The following NLGN2 variants were observed in gnomAD, a reference collection of about 807,000 sequenced individuals.
NLGN2 encodes the protein neuroligin-2.
Under a neutral mutation model 48.6 loss-of-function variants are expected in NLGN2, and 11 were observed. The observed-to-expected ratio is 0.23, with a 90% CI of 0.14 to 0.37. NLGN2 has a LOEUF of 0.37. Ranked by LOEUF, NLGN2 falls within the 10% of genes least tolerant of loss-of-function variation. The pLI is 1.00. For synonymous variants in NLGN2, 548 were observed against 550.0 expected (o/e 1.00, Z 0.05); for missense variants, 801 against 1,225.2 (o/e 0.65, Z 5.17).
Position 7,414,785 on chromosome 17 carries a change from A to G in NLGN2, c.781A>G (p.Ile261Val). ...TGGGGGCGACCCCGAGCGTATCACC[A>G]TCTTTGGTTCCGGGGCAGGGGCCTC... is the stretch of plus-strand genomic sequence containing the variant. Reference protein sequence around the residue: ...HFGGDPERITIFGSGAGASCV... With the variant: ...HFGGDPERITVFGSGAGASCV... Residue 261 changes from isoleucine to valine, a missense_variant, in exon 4 of 7, where the codon ATC becomes GTC. Ile to Val is a conservative substitution (Grantham distance 29). This residue lies in a region of NLGN2 where 303 missense variants were observed against 600.1 expected (regional missense o/e 0.50). Transcript: ENST00000302926. 6.2e-7 allele frequency: 1 copy of G among 1,613,942 alleles called. No homozygotes were observed. Among genetic ancestry groups the G allele is most frequent in the Non-Finnish European group, 8.5e-7 (1 of 1,179,946 alleles).
chr17:7,412,285 C>G, intron 2 of NLGN2, 78 bp downstream of exon 2: 2 of 1,077,806 alleles, frequency 1.9e-6, no homozygotes, highest in South Asian at 2.5e-5. Flanking sequence ...CTAAATGTCC[C>G]CACAGCCCTC....
At position 7,415,405 on chromosome 17, in the gene NLGN2, G is replaced by A. The variant is rs1907058983; in HGVS notation, c.1038-106G>A. On this transcript the variant is annotated intron_variant, in intron 5 of 6. Transcript: ENST00000302926. ...CCACTGGAGGATTTCAAGTAGGGAAGAAGGGTCTTGCAGGTAGAGGGAAGC... is the reference window on the plus strand; with the variant it reads ...CCACTGGAGGATTTCAAGTAGGGAAAAAGGGTCTTGCAGGTAGAGGGAAGC... The A allele has an allele frequency of 3.6e-6, 4 of 1,108,308 alleles. No homozygotes were observed. In the South Asian group the frequency reaches 3.8e-5, roughly 11 times the overall value. The allele number at this position is 1,108,308 out of a possible 1,614,324, so 68.7% of individuals were successfully genotyped here. A position where few individuals can be genotyped will look rare whatever the true frequency, so the allele number is the denominator to read the frequency against.
At position 7,408,835 on chromosome 17, in the gene NLGN2, C is replaced by T. The variant is rs1906766866; in HGVS notation, c.457+123C>T. 1.7e-5 allele frequency: 26 copies of T among 1,542,694 alleles called. No individual in the cohort carries two copies. The highest frequency in any genetic ancestry group is 2.3e-5 in the Non-Finnish European group (26 of 1,133,060). ...GGGCCTTTGTGGGGGCAGTGAGGGA[C>T]GGAGTGTCCCTGCAACCTCTACGTG... On this transcript the variant is annotated intron_variant, in intron 1 of 6. Transcript: ENST00000302926. This position sits in a 1 kb window ranked among gnomAD's most constrained non-coding sequence, Gnocchi z 7.5.
chr17:7,408,450 C>G lies in NLGN2; in HGVS notation c.195C>G (p.Pro65=), dbSNP rs1452652288. 3 of 1,565,398 alleles carry G rather than the reference C, an allele frequency of 1.9e-6. No individual in the cohort carries two copies. The highest frequency in any genetic ancestry group is 2.6e-6 in the Non-Finnish European group (3 of 1,160,232). ...RRELNNEILG[P]VVQFLGVPYA... is the part of the protein sequence containing the mutation. ...AGCTCAACAACGAGATCCTGGGCCC[C>G]GTCGTGCAGTTCTTGGGCGTGCCCT... The change falls in exon 1 of 7, where the codon CCC becomes CCG. Residue 65 remains proline, a synonymous_variant. Transcript: ENST00000302926. The surrounding 1 kb of genome is among the most constrained non-coding windows in gnomAD (Gnocchi z 7.5).
chr17:7,414,917 G>A, intron 4 of NLGN2, 39 bp from the exon 5 acceptor site: 1 of 1,613,182 alleles, frequency 6.2e-7, no homozygotes, highest in Non-Finnish European at 8.5e-7. Flanking sequence ...CTTCAGGCCG[G>A]TACTCACAGC....
Position 7,414,943 on chromosome 17 carries a change from C to T in NLGN2, c.845-13C>T. The T allele has an allele frequency of 1.2e-6, 2 of 1,612,830 alleles. No individual in the cohort carries two copies. Among genetic ancestry groups the T allele is most frequent in the East Asian group, 2.2e-5 (1 of 44,884 alleles). The stretch of plus-strand genomic sequence containing the variant: ...TACTCACAGCCTGGCCTGAGGTCTG[C>T]CTGTCCCGCCAGGGCTGTTCCAGAA... On this transcript the variant is annotated splice_polypyrimidine_tract_variant and intron_variant, in intron 4 of 6. Transcript: ENST00000302926.
At chr17:7,416,140 G>T (rs1232508350) in intron 6 of NLGN2, 33 bp downstream of exon 6, 3 of 1,424,456 alleles carry the variant, frequency 2.1e-6, no homozygotes, top group African/African-American at 2.8e-5. Context: ...GGGGCTGGGC[G>T]GGGCCCTCCC....
rs767701122 is a variant in NLGN2, at chr17:7,417,325, C to T, written c.2034C>T (p.Val678=). Residue 678 remains valine, a synonymous_variant, in exon 7 of 7, where the codon GTC becomes GTT. Coordinates refer to ENST00000302926, the MANE Select transcript of NLGN2 (RefSeq NM_020795.4). ...DSRDYSTELS[V]TVAVGASLLF... ...GGGACTACTCCACGGAGCTGAGCGT[C>T]ACCGTGGCCGTGGGTGCCTCCCTCC... 5.6e-6 allele frequency: 9 copies of T among 1,610,810 alleles called. No individual in the cohort carries two copies. Among genetic ancestry groups the T allele is most frequent in the African/African-American group, 1.3e-5 (1 of 74,764 alleles).
upstream of NLGN2, among the ~76,000 whole-genome samples, chr17:7,406,431 G>T (rs143984853): frequency 5.8e-3 from 883 of 152,178 alleles, 1 homozygote; most frequent in Non-Finnish European, 0.01. Flanking sequence ...CACAGGAAAA[G>T]GAGATCCTGG....
upstream of NLGN2, chr17:7,405,075 C>G (rs2150808288): frequency 6.6e-6 from 1 of 152,318 alleles, no homozygotes; most frequent in Middle Eastern, 3.4e-3. This position sits in a 1 kb window ranked among gnomAD's most constrained non-coding sequence, Gnocchi z 6.8. Flanking sequence ...GACTCGGCTC[C>G]CGCCCTCCTC....
rs753120334 is a variant in NLGN2 at position 7,414,432 on chromosome 17, A to C, written c.597A>C (p.Ser199=). 1 of 1,614,170 alleles carries C rather than the reference A, an allele frequency of 6.2e-7. No homozygotes were observed. The highest frequency in any genetic ancestry group is 1.7e-5 in the Admixed American group (1 of 60,030). Residue 199 remains serine, a synonymous_variant, in exon 3 of 7, where the codon TCA becomes TCC. Coordinates refer to ENST00000302926, the MANE Select transcript of NLGN2 (RefSeq NM_020795.4). ...MEGTGNMFDG[S]VLAAYGNVIV... Reference sequence around the variant, plus strand: ...GGACCGGAAACATGTTCGATGGCTCAGTCCTGGCTGCCTATGGCAACGTCA... The same window carrying C: ...GGACCGGAAACATGTTCGATGGCTCCGTCCTGGCTGCCTATGGCAACGTCA...
rs1907055346 is a variant in NLGN2 at position 7,415,244 on chromosome 17, G to A, written c.1037+96G>A. 25 of 1,172,404 alleles carry A rather than the reference G, an allele frequency of 2.1e-5. 1 individual carries two copies. The South Asian group carries it at 3.8e-4, about 18-fold the overall frequency. The allele number at this position is 1,172,404 out of a possible 1,614,324, so 72.6% of individuals were successfully genotyped here. ...GGCATACCATTTGGCAAGGAGGGAT[G>A]GGCTTCTGGCCCCCAGTAAGTGGCC... On this transcript the variant is annotated intron_variant, in intron 5 of 6. Transcript: ENST00000302926.
Position 7,415,674 on chromosome 17 carries a change from G to A in NLGN2, c.1201G>A (p.Val401Met). Residue 401 changes from valine to methionine, a missense_variant, in exon 6 of 7, where the codon GTG becomes ATG. By Grantham distance (21) the Val-to-Met change is conservative (BLOSUM62 1). This residue lies in a region of NLGN2 where 303 missense variants were observed against 600.1 expected (regional missense o/e 0.50). Coordinates refer to ENST00000302926, the MANE Select transcript of NLGN2 (RefSeq NM_020795.4). Reference sequence around the variant, plus strand: ...GGACTCTGCAGAGAGCGAGGACGGTGTGTCTGCCAGCGCCTTTGACTTCAC... The same window carrying A: ...GGACTCTGCAGAGAGCGAGGACGGTATGTCTGCCAGCGCCTTTGACTTCAC... Reference protein sequence around the residue: ...VEDSAESEDGVSASAFDFTVS... With the variant: ...VEDSAESEDGMSASAFDFTVS... 1.9e-6 allele frequency: 3 copies of A among 1,614,274 alleles called. No homozygotes were observed. The highest frequency in any genetic ancestry group is 2.5e-6 in the Non-Finnish European group (3 of 1,180,058).
At chr17:7,406,662 G>T (rs990200604), upstream of NLGN2, among the ~76,000 whole-genome samples, 18 of 138,634 alleles carry the variant, frequency 1.3e-4, no homozygotes, top group Admixed American at 1.3e-3. Flanking sequence ...GCGGGGGGGG[G>T]GCTTGCCGAA....
chr17:7,415,948 G>A lies in NLGN2; in HGVS notation c.1475G>A (p.Arg492Gln), dbSNP rs755701917. The A allele has an allele frequency of 3.7e-6, 6 of 1,613,896 alleles. No individual in the cohort carries two copies. The highest frequency in any genetic ancestry group is 4.2e-6 in the Non-Finnish European group (5 of 1,179,958). Residue 492 changes from arginine to glutamine, a missense_variant, in exon 6 of 7, where the codon CGG (arginine) becomes CAG (glutamine). By Grantham distance (43) the Arg-to-Gln change is conservative (BLOSUM62 1). Coordinates refer to ENST00000302926, the MANE Select transcript of NLGN2 (RefSeq NM_020795.4). ...TFYHHCQAEG[R>Q]PEWADAAHGD... ...TACCACCACTGCCAGGCGGAGGGCC[G>A]GCCTGAGTGGGCAGATGCGGCGCAC...
At chr17:7,410,483 C>G (rs1055411271) in intron 1 of NLGN2, among the ~76,000 whole-genome samples, 4 of 152,088 alleles carry the variant, frequency 2.6e-5, no homozygotes, top group Non-Finnish European at 5.9e-5. Context: ...ATCCCAGCGC[C>G]TGCCCCATCA....
Position 7,414,212 on chromosome 17 carries a change from G to T in NLGN2, c.509-132G>T, listed in dbSNP as rs548685782. 16 of 774,846 alleles carry T rather than the reference G, an allele frequency of 2.1e-5. No individual in the cohort carries two copies. In the African/African-American group the frequency reaches 2.2e-4, roughly 11 times the overall value. The allele number at this position is 774,846 out of a possible 1,614,324, so 48.0% of individuals were successfully genotyped here. On this transcript the variant is annotated intron_variant, in intron 2 of 6. Transcript: ENST00000302926. Reference sequence around the variant, plus strand: ...GGGGAATCCGGTCTTGCCCCCCAGGGATGGGAGTGACATGTCCCCTGAGCT... The same window carrying T: ...GGGGAATCCGGTCTTGCCCCCCAGGTATGGGAGTGACATGTCCCCTGAGCT...
At chr17:7,407,368 A>G (rs750233885), upstream of NLGN2, among the ~76,000 whole-genome samples, 21 of 152,108 alleles carry the variant, frequency 1.4e-4, no homozygotes, top group Non-Finnish European at 2.4e-4. Context: ...GAGGAAATGG[A>G]GAGAGTCTGG....
Position 7,408,274 on chromosome 17 carries a change from T to G in NLGN2, c.19T>G (p.Cys7Gly). 2 of 1,284,790 alleles carry G rather than the reference T, an allele frequency of 1.6e-6. No homozygotes were observed. The highest frequency in any genetic ancestry group is 4.2e-5 in the Admixed American group (1 of 23,740). The allele number at this position is 1,284,790 out of a possible 1,614,324, so 79.6% of individuals were successfully genotyped here. A position where few individuals can be genotyped will look rare whatever the true frequency, so the allele number is the denominator to read the frequency against. The change falls in exon 1 of 7, where the codon TGT (cysteine) becomes GGT (glycine). Residue 7 changes from cysteine to glycine, a missense_variant. This residue lies in a region of NLGN2 where 164 missense variants were observed against 186.2 expected (regional missense o/e 0.88). Transcript: ENST00000302926. This position sits in a 1 kb window ranked among gnomAD's most constrained non-coding sequence, Gnocchi z 7.5. Reference sequence around the variant, plus strand: ...GATCAGCATGTGGCTCCTGGCGCTGTGTCTGGTGGGGCTGGCGGGGGCTCA... The same window carrying G: ...GATCAGCATGTGGCTCCTGGCGCTGGGTCTGGTGGGGCTGGCGGGGGCTCA... The part of the protein sequence containing the change: MWLLAL[C>G]LVGLAGAQRG...
Sources: gnomAD v4.1 joint callset for allele counts (sites outside exome capture counted in the v4.1 genomes callset) on GRCh38, gnomAD v4.1.1 for gene constraint, gnomAD v4.1.1 regional missense constraint, Gnocchi (gnomAD v3.1) non-coding constraint, MANE v1.5 for transcripts, NCBI Gene and HGNC (gene_info 2026-07-23, HGNC 2026-07-21) for gene names.